Variants in ADAM32 observed in about 807,000 individuals in gnomAD.
ADAM32 encodes disintegrin and metalloproteinase domain-containing protein 32.
Under a neutral mutation model 114.9 loss-of-function variants are expected in ADAM32, and 89 were observed. The observed-to-expected ratio is 0.77, with a 90% confidence interval of 0.65 to 0.92. The LOEUF (loss-of-function observed/expected upper bound fraction) is 0.92, where lower values mean the gene tolerates loss of function less well. Among genes scored for constraint, ADAM32 ranks in the 40% least tolerant of loss-of-function variants. The pLI is 0.00. For synonymous variants in ADAM32, 285 were observed against 307.5 expected (o/e 0.93, Z 0.77); for missense variants, 870 against 932.8 (o/e 0.93, Z 0.88).
At chr8:39,134,678 C>T (rs576295530) in intron 2 of ADAM32, among the ~76,000 whole-genome samples, 4 of 152,160 alleles carry the variant, frequency 2.6e-5, no homozygotes, top group Non-Finnish European at 2.9e-5. Context: ...CCTCTACACT[C>T]TTTAAAGATC....
At chr8:39,131,441 A>T (rs774759486) in intron 2 of ADAM32, among the ~76,000 whole-genome samples, 3 of 152,168 alleles carry the variant, frequency 2.0e-5, no homozygotes, top group Non-Finnish European at 4.4e-5. Flanking sequence ...CAGTGAGCTG[A>T]GATTGTGCCA....
chr8:39,126,441 G>A lies in ADAM32; in HGVS notation c.138+8276G>A, dbSNP rs1433954713. Among the ~76,000 whole-genome samples, 4 of 152,228 alleles carry A rather than the reference G, an allele frequency of 2.6e-5. No homozygotes were observed. The East Asian group carries it at 7.7e-4, about 29-fold the overall frequency. ...GTATTTTATTCTTTCTGTAGCAGTT[G>A]TGAATGGGAGTTAATTGATGACTTG... is the stretch of plus-strand genomic sequence containing the variant. On this transcript the variant is annotated intron_variant, in intron 2 of 24. Coordinates refer to ENST00000379907, the MANE Select transcript of ADAM32 (RefSeq NM_145004.7).
At chr8:39,238,250 AG>A (rs762113845) in intron 16 of ADAM32, among the ~76,000 whole-genome samples, 1 of 152,236 alleles carries the variant, frequency 6.6e-6, no homozygotes, top group Non-Finnish European at 1.5e-5. Flanking sequence ...ACCACATCAC[AG>A]GATTCTTTGC....
chr8:39,237,211 C>T (rs1458645199), intron 16 of ADAM32, among the ~76,000 whole-genome samples: 1 of 152,166 alleles, frequency 6.6e-6, no homozygotes, highest in African/African-American at 2.4e-5. Context: ...ACTCCCAGTT[C>T]TCAGGGAAGC....
chr8:39,164,834 C>T lies in ADAM32; in HGVS notation c.665C>T (p.Ser222Leu), dbSNP rs1393302973. ...KVIEIVGLAN[S>L]MFTQFKVTIV... is the part of the protein sequence containing the mutation. ...ATCGAAATTGTTGGCCTTGCAAATTCAGTAAGTGTTTTCCTTTTCATATTA... is the reference window on the plus strand; with the variant it reads ...ATCGAAATTGTTGGCCTTGCAAATTTAGTAAGTGTTTTCCTTTTCATATTA... The change falls in exon 8 of 25, where the codon TCA (serine) becomes TTA (leucine). Residue 222 changes from serine (S) to leucine (L), a missense_variant and splice_region_variant. By Grantham distance (145) the Ser-to-Leu change is moderately radical (BLOSUM62 -2). Coordinates refer to ENST00000379907, the MANE Select transcript of ADAM32 (RefSeq NM_145004.7). The T allele has an allele frequency of 1.9e-6, 3 of 1,603,058 alleles. No homozygotes were observed. Among genetic ancestry groups the T allele is most frequent in the South Asian group, 2.2e-5 (2 of 89,082 alleles).
intron 17 of ADAM32, among the ~76,000 whole-genome samples, chr8:39,249,202 C>T (rs191539539): frequency 1.3e-5 from 2 of 152,128 alleles, no homozygotes; most frequent in East Asian, 1.9e-4. Context: ...CTGTGCCAGG[C>T]CTGAGTGTTG....
chr8:39,253,400 A>T (rs1174477482), intron 17 of ADAM32, among the ~76,000 whole-genome samples: 1 of 151,716 alleles, frequency 6.6e-6, no homozygotes, highest in Non-Finnish European at 1.5e-5. Context: ...CTTCTCTTCA[A>T]CTTGGTACTG....
At chr8:39,222,023 C>T (rs1212221493) in intron 13 of ADAM32, among the ~76,000 whole-genome samples, 1 of 151,596 alleles carries the variant, frequency 6.6e-6, no homozygotes, top group Non-Finnish European at 1.5e-5. Flanking sequence ...TAAATAAAAA[C>T]GTTTTTATGG....
At chr8:39,174,516 TTTA>T (rs1384704579) in intron 10 of ADAM32, among the ~76,000 whole-genome samples, 21 of 152,034 alleles carry the variant, frequency 1.4e-4, no homozygotes, top group Admixed American at 1.3e-3. Context: ...TTGTTTATTT[TTTA>T]TTATTATACT....
At chr8:39,203,800 T>C (rs972763445) in intron 11 of ADAM32, among the ~76,000 whole-genome samples, 3 of 152,234 alleles carry the variant, frequency 2.0e-5, no homozygotes, top group Non-Finnish European at 2.9e-5. Context: ...TAGTGCTTCC[T>C]TTAGGAGCTC....
intron 1 of ADAM32, among the ~76,000 whole-genome samples, chr8:39,111,319 T>C (rs955204810): frequency 6.6e-6 from 1 of 152,198 alleles, no homozygotes; most frequent in East Asian, 1.9e-4. Context: ...GACTTTGTTA[T>C]CCCCCAATAA....
intron 7 of ADAM32, among the ~76,000 whole-genome samples, chr8:39,161,929 A>C (rs1804531867): frequency 6.6e-6 from 1 of 151,264 alleles, no homozygotes; most frequent in Non-Finnish European, 1.5e-5. Flanking sequence ...TTGTTTTTGG[A>C]TTATGTTATA....
In ADAM32 at chr8:39,223,456, A is replaced by G. The variant is rs532585689; in HGVS notation, c.1525+218A>G. 18 of 253,306 alleles carry G rather than the reference A, an allele frequency of 7.1e-5. No individual in the cohort carries two copies. The East Asian group carries it at 1.3e-3, about 19-fold the overall frequency. 15.7% of individuals were successfully genotyped at this position (253,306 alleles called of 1,614,324 possible). On this transcript the variant is annotated intron_variant, in intron 14 of 24. Transcript: ENST00000379907. ...TTTTATTATATGTATAAGCAAACAT[A>G]TACGCGCTAATTCTTCTTGTTAATG...
intron 17 of ADAM32, among the ~76,000 whole-genome samples, chr8:39,250,754 G>A (rs899934385): frequency 6.6e-6 from 1 of 151,846 alleles, no homozygotes; most frequent in African/African-American, 2.4e-5. Context: ...CTACTGATCT[G>A]TCAAACACTT....
intron 17 of ADAM32, among the ~76,000 whole-genome samples, chr8:39,254,122 A>G (rs1331787746): frequency 1.3e-5 from 2 of 151,718 alleles, no homozygotes; most frequent in East Asian, 3.9e-4. Context: ...TTTTCATTAT[A>G]ATTTAAGTAT....
At chr8:39,137,968 A>G (rs528297060) in intron 3 of ADAM32, among the ~76,000 whole-genome samples, 2 of 152,282 alleles carry the variant, frequency 1.3e-5, no homozygotes, top group East Asian at 3.9e-4. Flanking sequence ...CTAAGACTAT[A>G]AGCAGTGTTG....
intron 2 of ADAM32, among the ~76,000 whole-genome samples, chr8:39,119,755 A>G (rs1205562508): frequency 6.6e-6 from 1 of 152,136 alleles, no homozygotes; most frequent in East Asian, 1.9e-4. Flanking sequence ...TTGGTTTTGT[A>G]TCTAAGAACT....
At chr8:39,172,932 T>C (rs1805287553) in intron 10 of ADAM32, among the ~76,000 whole-genome samples, 1 of 152,230 alleles carries the variant, frequency 6.6e-6, no homozygotes, top group Non-Finnish European at 1.5e-5. Flanking sequence ...TCTTCCACAA[T>C]GGCTGAACTA....
chr8:39,107,708 G>T, upstream of ADAM32: 1 of 1,548,040 alleles, frequency 6.5e-7, no homozygotes, highest in East Asian at 2.5e-5. Flanking sequence ...CGGCGTCCGC[G>T]CGTCCCCGCG....
Sources: gnomAD v4.1 joint callset for allele counts (sites outside exome capture counted in the v4.1 genomes callset) on GRCh38, gnomAD v4.1.1 for gene constraint, MANE v1.5 for transcripts, NCBI Gene and HGNC (gene_info 2026-07-23, HGNC 2026-07-21) for gene names.